AKNA: variants seen among roughly 807,000 people sequenced by gnomAD.
The protein encoded by AKNA is microtubule organization protein AKNA.
Under a neutral mutation model 138.8 loss-of-function variants are expected in AKNA, and 67 were observed. That is an observed-to-expected ratio of 0.48 (90% confidence interval 0.40 to 0.59). The LOEUF (loss-of-function observed/expected upper bound fraction) is 0.59, where lower values mean the gene tolerates loss of function less well. Among genes scored for constraint, AKNA ranks in the 20% least tolerant of loss-of-function variants. The probability of loss-of-function intolerance (pLI) is 0.00; values close to 1 mark genes in which losing one functional copy is unlikely to be tolerated. For synonymous variants in AKNA, 737 were observed against 754.4 expected (o/e 0.98, Z 0.38); for missense variants, 1,813 against 1,880.4 (o/e 0.96, Z 0.66).
intron 18 of AKNA, chr9:114,344,015 G>A (rs527684464): frequency 2.4e-5 from 12 of 496,166 alleles, no homozygotes; most frequent in East Asian, 2.2e-4. Flanking sequence ...ATACGTCACC[G>A]AACATCTTTG....
intron 1 of AKNA, among the ~76,000 whole-genome samples, chr9:114,382,110 AG>A (rs1450175766): frequency 6.6e-6 from 1 of 152,214 alleles, no homozygotes; most frequent in African/African-American, 2.4e-5. Context: ...CTGATGGCCC[AG>A]GAGGAAGCAG....
rs1024860040 is a variant in AKNA, at chr9:114,335,924, C to T, written c.*1130G>A. 7 of 152,280 alleles carry T rather than the reference C, an allele frequency of 4.6e-5. No individual in the cohort carries two copies. The highest frequency in any genetic ancestry group is 3.9e-4 in the Admixed American group (6 of 15,288). The allele number at this position is 152,280 out of a possible 1,614,324, so 9.4% of individuals were successfully genotyped here. A position where few individuals can be genotyped will look rare whatever the true frequency, so the allele number is the denominator to read the frequency against. On this transcript the variant is annotated 3_prime_UTR_variant, in exon 22 of 22. Coordinates refer to ENST00000374088, the MANE Select transcript of AKNA (RefSeq NM_001317950.2). ...CAAAAGGGACTTGGCTAGGCAGCCC[C>T]ACCTCAAGGCCCTCCGCAGTTGAAA...
chr9:114,387,097 T>C (rs970538443), intron 1 of AKNA, among the ~76,000 whole-genome samples: 17 of 152,120 alleles, frequency 1.1e-4, no homozygotes, highest in Admixed American at 5.2e-4. Flanking sequence ...AAACCAAGGC[T>C]GTCAGATGTG....
intron 1 of AKNA, among the ~76,000 whole-genome samples, chr9:114,382,005 G>A (rs922273712): frequency 1.1e-4 from 17 of 152,296 alleles, no homozygotes; most frequent in Admixed American, 2.6e-4. Flanking sequence ...AGTGGCCAGT[G>A]CACCAACGAA....
At chr9:114,386,380 G>C (rs1358969880) in intron 1 of AKNA, among the ~76,000 whole-genome samples, 1 of 152,162 alleles carries the variant, frequency 6.6e-6, no homozygotes, top group Non-Finnish European at 1.5e-5. Flanking sequence ...CAGGCAGCGG[G>C]AACAGCACGG....
chr9:114,371,042 G>A (rs2132004574), intron 4 of AKNA, among the ~76,000 whole-genome samples: 1 of 152,302 alleles, frequency 6.6e-6, no homozygotes, highest in Non-Finnish European at 1.5e-5. Context: ...CAACATGGCA[G>A]CAAATGCAGT....
Position 114,352,649 on chromosome 9 carries a change from G to A in AKNA, c.3059-1628C>T, listed in dbSNP as rs1039054510. Among the ~76,000 whole-genome samples the A allele has an allele frequency of 4.0e-5, 6 of 151,776 alleles. No individual in the cohort carries two copies. The East Asian group carries it at 5.8e-4, about 15-fold the overall frequency. On this transcript the variant is annotated intron_variant, in intron 14 of 21. Transcript: ENST00000374088. The stretch of plus-strand genomic sequence containing the variant: ...TTTTAAAATAATGAACCAGCTGGGC[G>A]TGGTGGCTCATGCCGGTAATCCCAG...
chr9:114,389,629 A>G (rs1834259847), upstream of AKNA, among the ~76,000 whole-genome samples: 1 of 152,216 alleles, frequency 6.6e-6, no homozygotes, highest in Non-Finnish European at 1.5e-5. Context: ...GGGAGCCAGA[A>G]CACAGTCATG....
intron 4 of AKNA, among the ~76,000 whole-genome samples, chr9:114,372,050 A>T (rs1832804935): frequency 6.6e-6 from 1 of 152,094 alleles, no homozygotes; most frequent in South Asian, 2.1e-4. Flanking sequence ...TAGGAGCTGC[A>T]AGCCTGCCAT....
In AKNA at chr9:114,342,093, GC is replaced by G; in HGVS notation, c.3789del (p.Pro1264LeufsTer132). ...GGACACTGAAGGGTATCAGCGGGAG[GC>G]GGTCCCAGTGGGTCCCCTGTGACAG... ...GGAVTGDPLG[P>X]PPADTLQCPL... On this transcript the variant is annotated frameshift_variant, in exon 20 of 22. Transcript: ENST00000374088. LOFTEE classifies it high-confidence loss of function. 1 of 1,609,766 alleles carries G rather than the reference GC, an allele frequency of 6.2e-7. No individual in the cohort carries two copies. The highest frequency in any genetic ancestry group is 8.5e-7 in the Non-Finnish European group (1 of 1,178,248).
chr9:114,380,767 A>G (rs1475799869), intron 2 of AKNA, among the ~76,000 whole-genome samples: 1 of 150,544 alleles, frequency 6.6e-6, no homozygotes, highest in Non-Finnish European at 1.5e-5. Context: ...CGAGGTCAAG[A>G]GATTGAGACC....
chr9:114,370,879 G>A (rs1832725654), intron 4 of AKNA, among the ~76,000 whole-genome samples: 3 of 152,168 alleles, frequency 2.0e-5, no homozygotes. Flanking sequence ...CCACCCAGGG[G>A]CTTCTAGACC....
rs1437056286 is a variant in AKNA, at chr9:114,356,149, G to A, written c.2847-13C>T. The A allele has an allele frequency of 6.2e-7, 1 of 1,607,612 alleles. No homozygotes were observed. The highest frequency in any genetic ancestry group is 8.5e-7 in the Non-Finnish European group (1 of 1,176,112). The stretch of plus-strand genomic sequence containing the variant: ...TGTTCCTGCTGTGCTGGGGGACCGT[G>A]GAGGAAGGGACACACAGGGGTCACA... On this transcript the variant is annotated splice_polypyrimidine_tract_variant and intron_variant, in intron 13 of 21. Transcript: ENST00000374088.
At chr9:114,355,554 T>C (rs1404647436) in intron 14 of AKNA, among the ~76,000 whole-genome samples, 1 of 152,192 alleles carries the variant, frequency 6.6e-6, no homozygotes, top group African/African-American at 2.4e-5. Context: ...GAGTGAAGTG[T>C]TGCTCTGCAA....
Position 114,356,901 on chromosome 9 carries a change from G to T in AKNA, c.2808C>A (p.Pro936=), listed in dbSNP as rs751690143. The T allele has an allele frequency of 6.4e-7, 1 of 1,570,816 alleles. No homozygotes were observed. The highest frequency in any genetic ancestry group is 1.4e-5 in the African/African-American group (1 of 71,548). ...FVGSETSRVS[P]LTQTPEHRLS... is the part of the protein sequence containing the mutation. The stretch of plus-strand genomic sequence containing the variant: ...GCCGGTGCTCTGGAGTCTGGGTGAG[G>T]GGTGAAACTCTGCTTGTTTCTGAGC... The change falls in exon 13 of 22, where the codon CCC becomes CCA. Residue 936 remains proline (P), a synonymous_variant. Coordinates refer to ENST00000374088, the MANE Select transcript of AKNA (RefSeq NM_001317950.2).
rs1294358710 is a variant in AKNA, at chr9:114,336,253, T to C, written c.*801A>G. The C allele has an allele frequency of 6.5e-6, 1 of 152,672 alleles. No individual in the cohort carries two copies. Among genetic ancestry groups the C allele is most frequent in the African/African-American group, 2.4e-5 (1 of 41,464 alleles). The allele number at this position is 152,672 out of a possible 1,614,324, so 9.5% of individuals were successfully genotyped here. On this transcript the variant is annotated 3_prime_UTR_variant, in exon 22 of 22. Transcript: ENST00000374088. ...TACAAACATCATTGATGCACACACA[T>C]TCCAGAAATGCAGAGGTATGCTGCT... is the stretch of plus-strand genomic sequence containing the variant.
chr9:114,337,381 T>C (rs1830067989), intron 21 of AKNA, 75 bp from the exon 22 acceptor site: 4 of 1,341,406 alleles, frequency 3.0e-6, no homozygotes, highest in Admixed American at 3.0e-5. Context: ...GTGTGTGGGG[T>C]CAACCCCCTT....
At chr9:114,355,166 C>A (rs1475570169) in intron 14 of AKNA, among the ~76,000 whole-genome samples, 13 of 149,562 alleles carry the variant, frequency 8.7e-5, no homozygotes, top group Non-Finnish European at 7.4e-5. Flanking sequence ...CCATGCCCGG[C>A]CTGTACTGTA....
chr9:114,364,265 A>C (rs1247389058), intron 7 of AKNA, among the ~76,000 whole-genome samples: 1 of 151,846 alleles, frequency 6.6e-6, no homozygotes, highest in Non-Finnish European at 1.5e-5. Flanking sequence ...ATCCTGGTTA[A>C]ATGAGGGTGA....
Sources: allele counts gnomAD v4.1 joint callset (sites outside exome capture counted in the v4.1 genomes callset), GRCh38; gene constraint gnomAD v4.1.1; transcripts MANE v1.5; gene names NCBI Gene and HGNC (gene_info 2026-07-23, HGNC 2026-07-21).